LINGO1: variants seen among roughly 807,000 people sequenced by gnomAD.
LINGO1 encodes leucine rich repeat and Ig domain containing 1.
LINGO1 carries 11 observed loss-of-function variants against 37.3 expected under a neutral mutation model. That is an observed-to-expected ratio of 0.29 (90% CI 0.19 to 0.49). LINGO1 has a LOEUF of 0.49. LINGO1 is among the 20% of genes least tolerant of loss of function. The probability of loss-of-function intolerance (pLI) is 0.99; values close to 1 mark genes in which losing one functional copy is unlikely to be tolerated. For synonymous variants in LINGO1, 387 were observed against 403.0 expected (o/e 0.96, Z 0.48); for missense variants, 585 against 878.2 (o/e 0.67, Z 4.22).
chr15:77,797,435 C>CATCA (rs1438563413), intron 1 of LINGO1, among the ~76,000 whole-genome samples: 3 of 152,242 alleles, frequency 2.0e-5, no homozygotes, highest in Admixed American at 1.3e-4. Flanking sequence ...ATGACAGGCA[C>CATCA]ATCACAGGTG....
At chr15:77,800,599 A>G (rs1046942320) in intron 1 of LINGO1, among the ~76,000 whole-genome samples, 3 of 152,124 alleles carry the variant, frequency 2.0e-5, no homozygotes, top group Non-Finnish European at 1.5e-5. Flanking sequence ...CTTTGCAAAG[A>G]TTTTTCAGCA....
At chr15:77,746,592 G>A (rs1015931615) in intron 1 of LINGO1, among the ~76,000 whole-genome samples, 1 of 152,164 alleles carries the variant, frequency 6.6e-6, no homozygotes, top group Non-Finnish European at 1.5e-5. Flanking sequence ...TCAGGTGCAG[G>A]AGCAAGGCTG....
intron 2 of LINGO1, among the ~76,000 whole-genome samples, chr15:77,679,267 T>C (rs774260844): frequency 6.6e-6 from 1 of 152,252 alleles, no homozygotes; most frequent in Non-Finnish European, 1.5e-5. Flanking sequence ...TGATTTTTTC[T>C]AGTGCCATCA....
intron 2 of LINGO1, among the ~76,000 whole-genome samples, chr15:77,705,908 T>G (rs952253801): frequency 4.6e-5 from 7 of 152,136 alleles, no homozygotes; most frequent in African/African-American, 1.4e-4. Flanking sequence ...TCATTCACCC[T>G]GTGGGGCAAA....
At chr15:77,655,393 C>T (rs769065926) in intron 3 of LINGO1, among the ~76,000 whole-genome samples, 5 of 152,140 alleles carry the variant, frequency 3.3e-5, no homozygotes, top group Non-Finnish European at 5.9e-5. Flanking sequence ...CCACCTTCTC[C>T]TCTGCCAGGA....
intron 2 of LINGO1, among the ~76,000 whole-genome samples, chr15:77,703,804 A>G (rs781305582): frequency 2.6e-5 from 4 of 152,088 alleles, no homozygotes; most frequent in Non-Finnish European, 5.9e-5. Context: ...CCTTGCAGGA[A>G]GGTCTCCTTG....
chr15:77,750,875 C>T (rs1002043349), intron 1 of LINGO1, among the ~76,000 whole-genome samples: 1 of 152,160 alleles, frequency 6.6e-6, no homozygotes, highest in Admixed American at 6.5e-5. Context: ...ATACTTTGGC[C>T]AATGAGACTG....
At chr15:77,772,391 G>A (rs2076594540) in intron 1 of LINGO1, among the ~76,000 whole-genome samples, 1 of 152,212 alleles carries the variant, frequency 6.6e-6, no homozygotes, top group Non-Finnish European at 1.5e-5. Context: ...ATCCGTAAGA[G>A]GAGGGTGCAA....
intron 1 of LINGO1, among the ~76,000 whole-genome samples, chr15:77,750,538 G>C (rs951224882): frequency 6.6e-6 from 1 of 152,106 alleles, no homozygotes; most frequent in Non-Finnish European, 1.5e-5. Context: ...GTTCCGGTGC[G>C]TGCCTGCTTC....
chr15:77,819,289 C>T (rs1228789723), intron 1 of LINGO1: 3 of 150,434 alleles, frequency 2.0e-5, no homozygotes, highest in Non-Finnish European at 4.4e-5. Context: ...GCGCGCCGTC[C>T]GCGCGCGGCT....
At chr15:77,696,236 G>A (rs12901624) in intron 1 of LINGO1, 15,790 of 152,320 alleles carry the variant, frequency 0.1, 862 homozygotes, top group Middle Eastern at 0.14. Flanking sequence ...GGGGGGAGCA[G>A]GACCGACTCA....
intron 1 of LINGO1, among the ~76,000 whole-genome samples, chr15:77,771,251 C>T (rs1052117420): frequency 6.6e-6 from 1 of 152,228 alleles, no homozygotes. Flanking sequence ...GCACTGACTA[C>T]ACATGCAATA....
intron 1 of LINGO1, among the ~76,000 whole-genome samples, chr15:77,779,362 T>G (rs1326201719): frequency 6.6e-6 from 1 of 152,204 alleles, no homozygotes; most frequent in South Asian, 2.1e-4. Flanking sequence ...GGTTTTGGGA[T>G]GATTCAAGTG....
At chr15:77,694,642 G>A (rs1280702740) in intron 1 of LINGO1, among the ~76,000 whole-genome samples, 3 of 152,188 alleles carry the variant, frequency 2.0e-5, no homozygotes, top group Non-Finnish European at 2.9e-5. Flanking sequence ...CACAGGCCCT[G>A]ATCCTCCACT....
At chr15:77,804,707 A>T (rs2076945890) in intron 1 of LINGO1, among the ~76,000 whole-genome samples, 1 of 152,156 alleles carries the variant, frequency 6.6e-6, no homozygotes, top group Admixed American at 6.5e-5. Context: ...CTGCCCACCC[A>T]GCAGTGGCCT....
intron 2 of LINGO1, among the ~76,000 whole-genome samples, chr15:77,729,106 T>C (rs886690471): frequency 3.3e-5 from 5 of 152,190 alleles, no homozygotes; most frequent in Non-Finnish European, 4.4e-5. Context: ...AAGCGCCCAG[T>C]TGGCACTAGG....
intron 2 of LINGO1, among the ~76,000 whole-genome samples, chr15:77,793,680 G>A (rs1402140555): frequency 2.0e-5 from 3 of 152,144 alleles, no homozygotes; most frequent in African/African-American, 4.8e-5. Context: ...TATGGTACAC[G>A]CAGGCTGAAA....
intron 2 of LINGO1, among the ~76,000 whole-genome samples, chr15:77,793,935 T>C (rs536826144): frequency 6.6e-6 from 1 of 152,186 alleles, no homozygotes; most frequent in Non-Finnish European, 1.5e-5. Context: ...AAAAGCACCT[T>C]ACAGACTTCA....
chr15:77,771,369 G>A (rs1426055317), intron 1 of LINGO1, among the ~76,000 whole-genome samples: 1 of 152,200 alleles, frequency 6.6e-6, no homozygotes, highest in Admixed American at 6.5e-5. Flanking sequence ...CCAGTGATAA[G>A]GGCCAGGGCT....
Sources: gnomAD v4.1 joint callset for allele counts (sites outside exome capture counted in the v4.1 genomes callset) on GRCh38, gnomAD v4.1.1 for gene constraint, MANE v1.5 for transcripts, NCBI Gene and HGNC (gene_info 2026-07-23, HGNC 2026-07-21) for gene names.